Variants in WWC1 observed in about 807,000 individuals in gnomAD.
WWC1 encodes WW and C2 domain containing 1.
WWC1 carries 55 observed loss-of-function variants against 138.4 expected under a neutral mutation model. The observed-to-expected ratio is 0.40, with a 90% confidence interval of 0.32 to 0.50. WWC1 has a LOEUF of 0.50. Among genes scored for constraint, WWC1 ranks in the 20% least tolerant of loss-of-function variants. WWC1 has a pLI of 0.72. For missense variants in WWC1, 1,226 were observed against 1,420.4 expected (o/e 0.86, Z 2.20); for synonymous variants, 524 against 564.9 (o/e 0.93, Z 1.03).
intron 3 of WWC1, among the ~76,000 whole-genome samples, chr5:168,387,216 A>C (rs1778110650): frequency 6.6e-6 from 1 of 152,186 alleles, no homozygotes; most frequent in Non-Finnish European, 1.5e-5. Context: ...GCCAGGCCAC[A>C]GGGACTAGCA....
intron 11 of WWC1, among the ~76,000 whole-genome samples, chr5:168,426,646 G>A (rs918224765): frequency 1.3e-5 from 2 of 152,210 alleles, no homozygotes; most frequent in African/African-American, 4.8e-5. Context: ...AAAGCAGGAG[G>A]TCTCCGCGGG....
At chr5:168,440,378 G>C (rs903091612) in intron 15 of WWC1, among the ~76,000 whole-genome samples, 1 of 152,182 alleles carries the variant, frequency 6.6e-6, no homozygotes, top group East Asian at 1.9e-4. Flanking sequence ...CACTCCCTTA[G>C]CAAGTCTTAA....
intron 1 of WWC1, among the ~76,000 whole-genome samples, chr5:168,325,895 C>G (rs184669082): frequency 6.6e-6 from 1 of 152,186 alleles, no homozygotes; most frequent in African/African-American, 2.4e-5. Context: ...AAATGAAATC[C>G]CATAGTATTT....
intron 2 of WWC1, among the ~76,000 whole-genome samples, chr5:168,374,774 G>A (rs1425651645): frequency 6.6e-6 from 1 of 152,210 alleles, no homozygotes; most frequent in African/African-American, 2.4e-5. Flanking sequence ...TGGAGGCAAG[G>A]AGACTTGTGA....
intron 8 of WWC1, among the ~76,000 whole-genome samples, chr5:168,413,090 G>C (rs1411424213): frequency 6.6e-6 from 1 of 152,152 alleles, no homozygotes; most frequent in Non-Finnish European, 1.5e-5. Context: ...TAAGAATTGG[G>C]CCACATTGTC....
chr5:168,429,096 G>A (rs1372613983), intron 13 of WWC1, among the ~76,000 whole-genome samples: 1 of 152,114 alleles, frequency 6.6e-6, no homozygotes, highest in Non-Finnish European at 1.5e-5. Context: ...CTGCCTCTCA[G>A]TGTGTTTGTT....
intron 9 of WWC1, among the ~76,000 whole-genome samples, chr5:168,421,255 G>A (rs1274074779): frequency 1.3e-4 from 20 of 152,140 alleles, no homozygotes; most frequent in Non-Finnish European, 2.8e-4. Context: ...CCATTGGCCA[G>A]AACTTGGTCA....
chr5:168,437,806 T>TC (rs539414763), intron 15 of WWC1, among the ~76,000 whole-genome samples: 10 of 152,132 alleles, frequency 6.6e-5, no homozygotes, highest in Non-Finnish European at 1.0e-4. Flanking sequence ...CCTGGTCTTT[T>TC]CCCCTCATAC....
chr5:168,399,685 C>T (rs186758104), intron 5 of WWC1, 118 bp downstream of exon 5: 21 of 1,003,294 alleles, frequency 2.1e-5, no homozygotes, highest in Admixed American at 1.8e-4. Context: ...GTGGCTCTCT[C>T]ATCATTCAAT....
intron 2 of WWC1, among the ~76,000 whole-genome samples, chr5:168,383,001 C>A (rs1777762436): frequency 1.3e-5 from 2 of 152,032 alleles, no homozygotes; most frequent in Admixed American, 1.3e-4. Flanking sequence ...CATGGTAAAA[C>A]CCTGTCTCTA....
chr5:168,454,043 AGAGGATGTTTTCACC>A lies in WWC1; in HGVS notation c.2605_2619del (p.Asp869_Glu873del). The A allele has an allele frequency of 6.2e-7, 1 of 1,612,174 alleles. No homozygotes were observed. The highest frequency in any genetic ancestry group is 1.7e-5 in the Admixed American group (1 of 59,878). Reference sequence around the variant, plus strand: ...AGGAGGTGGAGGAGGAGGAGGGAGAAGAGGATGTTTTCACCGAGAAAGCCTCACCTGATATGGATG... The same window carrying A: ...AGGAGGTGGAGGAGGAGGAGGGAGAAGAGAAAGCCTCACCTGATATGGATG... On this transcript the variant is annotated inframe_deletion, in exon 18 of 23. Transcript: ENST00000265293.
chr5:168,387,735 C>G (rs1052367460), intron 3 of WWC1, among the ~76,000 whole-genome samples: 2 of 152,142 alleles, frequency 1.3e-5, no homozygotes. Context: ...TTAAGCCTGA[C>G]TATTTCCCCA....
chr5:168,415,815 C>CAT (rs1780589909), intron 9 of WWC1: 1 of 6,564 alleles, frequency 1.5e-4, no homozygotes. Context: ...GGGGGGGGGG[C>CAT]GTGTGTGTGT....
chr5:168,397,174 G>T (rs187559767), intron 3 of WWC1, among the ~76,000 whole-genome samples: 72 of 147,604 alleles, frequency 4.9e-4, no homozygotes, highest in Non-Finnish European at 9.3e-4. Flanking sequence ...ATGGAGTCTC[G>T]CTCTGTCACC....
intron 1 of WWC1, among the ~76,000 whole-genome samples, chr5:168,312,815 CTTTTTTTTTT>C (rs763253959): frequency 1.6e-5 from 2 of 123,772 alleles, no homozygotes; most frequent in African/African-American, 3.0e-5. Context: ...ATCCTAAGTA[CTTTTTTTTTT>C]TTTTTTTTTT....
intron 1 of WWC1, among the ~76,000 whole-genome samples, chr5:168,296,900 T>A (rs1769585713): frequency 6.6e-6 from 1 of 152,180 alleles, no homozygotes; most frequent in Non-Finnish European, 1.5e-5. Context: ...AATTTGGCCT[T>A]GGGAAATGGA....
At chr5:168,462,955 A>G (rs545687906) in intron 20 of WWC1, among the ~76,000 whole-genome samples, 8 of 152,358 alleles carry the variant, frequency 5.3e-5, no homozygotes, top group African/African-American at 1.7e-4. Context: ...AGAGCAGACC[A>G]TGTTCAACCT....
At chr5:168,330,183 G>A (rs779865034) in intron 1 of WWC1, among the ~76,000 whole-genome samples, 10 of 152,304 alleles carry the variant, frequency 6.6e-5, no homozygotes, top group Non-Finnish European at 1.0e-4. Context: ...TAAAAGAAAT[G>A]TTCCCGTGCC....
In WWC1 at chr5:168,471,604, G is replaced by C. The variant is rs1757675075; in HGVS notation, c.*2587G>C. The C allele has an allele frequency of 6.6e-6, 1 of 152,286 alleles. No individual in the cohort carries two copies. The highest frequency in any genetic ancestry group is 2.4e-5 in the African/African-American group (1 of 41,466). 9.4% of individuals were successfully genotyped at this position (152,286 alleles called of 1,614,324 possible). A position where few individuals can be genotyped will look rare whatever the true frequency, so the allele number is the denominator to read the frequency against. On this transcript the variant is annotated 3_prime_UTR_variant, in exon 23 of 23. Transcript: ENST00000265293. ...CACAGCAACGGGGCAAATGCCCCAA[G>C]CTGGCTGTAAGTGACCCATCCCTTT...
Sources: allele counts gnomAD v4.1 joint callset (sites outside exome capture counted in the v4.1 genomes callset), GRCh38; gene constraint gnomAD v4.1.1; transcripts MANE v1.5; gene names NCBI Gene and HGNC (gene_info 2026-07-23, HGNC 2026-07-21).